The following MPO variants were observed in gnomAD, a reference collection of about 807,000 sequenced individuals.
The protein encoded by MPO is myeloperoxidase.
In MPO, 57 loss-of-function variants were observed where a neutral mutation model predicts 69.4. The observed-to-expected ratio is 0.82, with a 90% CI of 0.66 to 1.02. MPO has a LOEUF of 1.02. Among genes scored for constraint, MPO ranks in the 50% least tolerant of loss-of-function variants. The pLI is 0.00. For synonymous variants in MPO, 426 were observed against 417.1 expected, an observed-to-expected ratio of 1.02 and a Z score of -0.26; for missense variants, 971 against 1,014.1, an observed-to-expected ratio of 0.96 and a Z score of 0.58.
Position 58,270,632 on chromosome 17 carries a change from C to T in MPO, c.*24G>A, listed in dbSNP as rs1264471856. ...CTGGCCAGCCCAGATATACCCCTCA[C>T]TGCTGCACCCCCTTACCTGGCCTCT... On this transcript the variant is annotated 3_prime_UTR_variant, in exon 12 of 12. Coordinates refer to ENST00000225275, the MANE Select transcript of MPO (RefSeq NM_000250.2). This position sits in a 1 kb window ranked among gnomAD's most constrained non-coding sequence, Gnocchi z 4.1. 1 of 1,582,614 alleles carries T rather than the reference C, an allele frequency of 6.3e-7. No homozygotes were observed. Among genetic ancestry groups the T allele is most frequent in the Non-Finnish European group, 8.6e-7 (1 of 1,162,014 alleles).
rs147527862 is a variant in MPO at position 58,280,672 on chromosome 17, C to T, written c.87G>A (p.Leu29=). Residue 29 remains leucine, a synonymous_variant, in exon 1 of 12, where the codon CTG becomes CTA. Transcript: ENST00000225275. ...WAGGLTAEMK[L]LLALAGLLAI... is the part of the protein sequence containing the mutation. ...CCAGGAGCCCTGCTAGGGCCAGAAG[C>T]AGCTTCATCTCTGCAGTGAGACCCC... 2.3e-4 allele frequency: 369 copies of T among 1,614,124 alleles called. No homozygotes were observed. Among genetic ancestry groups the T allele is most frequent in the Admixed American group, 1.5e-3 (93 of 60,012 alleles).
At position 58,270,411 on chromosome 17, in the gene MPO, C is replaced by G; in HGVS notation, c.*245G>C. ...CTCAGTATTCTCATCAGCACAAACACACACTCACATAAATGGCACATACAC... is the reference window on the plus strand; with the variant it reads ...CTCAGTATTCTCATCAGCACAAACAGACACTCACATAAATGGCACATACAC... On this transcript the variant is annotated 3_prime_UTR_variant, in exon 12 of 12. Transcript: ENST00000225275. The surrounding 1 kb of genome is among the most constrained non-coding windows in gnomAD (Gnocchi z 4.1). The G allele has an allele frequency of 1.9e-6, 1 of 531,432 alleles. No homozygotes were observed. Among genetic ancestry groups the G allele is most frequent in the East Asian group, 3.5e-5 (1 of 28,812 alleles). 32.9% of individuals were successfully genotyped at this position (531,432 alleles called of 1,614,324 possible). A position where few individuals can be genotyped will look rare whatever the true frequency, so the allele number is the denominator to read the frequency against.
Position 58,278,096 on chromosome 17 carries a change from A to C in MPO, c.935T>G (p.Phe312Cys). The C allele has an allele frequency of 6.2e-7, 1 of 1,608,120 alleles. No homozygotes were observed. Among genetic ancestry groups the C allele is most frequent in the Non-Finnish European group, 8.5e-7 (1 of 1,179,974 alleles). ...RIKNQADCIPFFRSCPACPGS... is the reference protein window; with the variant it reads ...RIKNQADCIPCFRSCPACPGS... The stretch of plus-strand genomic sequence containing the variant: ...GGGGCAAGCCGGGCAGGAGCGGAAG[A>C]ACGGGATGCAGTCGGCTTGGTTCTT... Residue 312 changes from phenylalanine (F) to cysteine (C), a missense_variant, in exon 7 of 12, where the codon TTC becomes TGC. Phe to Cys is a radical substitution (Grantham distance 205). Transcript: ENST00000225275.
In MPO at chr17:58,274,965, C is replaced by T. The variant is rs527704991; in HGVS notation, c.1365+577G>A. 4.6e-5 allele frequency among the ~76,000 whole-genome samples: 7 copies of T among 152,024 alleles called. No individual in the cohort carries two copies. The East Asian group carries it at 1.2e-3, about 25-fold the overall frequency. On this transcript the variant is annotated intron_variant, in intron 8 of 11. Transcript: ENST00000225275. The stretch of plus-strand genomic sequence containing the variant: ...CTGCAAGCTCTGCCTCCCAGGTTCA[C>T]GCCATTCTCCTGCCTCAGCCTCCCA...
chr17:58,280,525 G>A, intron 1 of MPO, 66 bp from the exon 2 acceptor site: 1 of 1,612,602 alleles, frequency 6.2e-7, no homozygotes, highest in Non-Finnish European at 8.5e-7. Flanking sequence ...CCAGAGCTAG[G>A]AAGGCCTGCT....
chr17:58,278,752 A>G (rs1970471963), intron 6 of MPO: 3 of 585,080 alleles, frequency 5.1e-6, no homozygotes, highest in Non-Finnish European at 9.2e-6. Context: ...CCTGTCAGCC[A>G]AGGAGGAACA....
chr17:58,274,237 A>C (rs1014691057), intron 8 of MPO: 2 of 483,252 alleles, frequency 4.1e-6, no homozygotes, highest in African/African-American at 3.9e-5. Flanking sequence ...CTCACTCTAC[A>C]TTCTAGAGTC....
rs551005600 is a variant in MPO, at chr17:58,279,438, G to A, written c.549-12C>T. On this transcript the variant is annotated splice_polypyrimidine_tract_variant and intron_variant, in intron 4 of 11. Coordinates refer to ENST00000225275, the MANE Select transcript of MPO (RefSeq NM_000250.2). ...GCGTGGGGCTGCGTCTGCAGGGGAG[G>A]ACAGGGCGCTGACACCGGGAGGCTT... 1.2e-6 allele frequency: 2 copies of A among 1,611,194 alleles called. No individual in the cohort carries two copies. The highest frequency in any genetic ancestry group is 1.7e-6 in the Non-Finnish European group (2 of 1,179,056).
chr17:58,279,207 G>C lies in MPO; in HGVS notation c.686C>G (p.Ala229Gly), dbSNP rs1476706511. ...GAAGCGCACGATCTCGTTGGAGACC[G>C]CGCGAGCCTGCGGGACACGGAGATC... ...RNGFPVALAR[A>G]VSNEIVRFPT... Residue 229 changes from alanine to glycine, a missense_variant, in exon 6 of 12, where the codon GCG (alanine) becomes GGG (glycine). Ala to Gly is a moderately conservative substitution (Grantham distance 60). Transcript: ENST00000225275. 7.5e-6 allele frequency: 12 copies of C among 1,599,988 alleles called. No homozygotes were observed. Among genetic ancestry groups the C allele is most frequent in the Admixed American group, 1.7e-5 (1 of 57,648 alleles).
intron 11 of MPO, among the ~76,000 whole-genome samples, chr17:58,271,431 C>T (rs150689499): frequency 6.6e-6 from 1 of 152,304 alleles, no homozygotes; most frequent in African/African-American, 2.4e-5. Flanking sequence ...ACTTTTCTAT[C>T]TTCCACCCTT....
Position 58,273,625 on chromosome 17 carries a change from C to T in MPO, c.1410G>A (p.Thr470=), listed in dbSNP as rs61095987. The T allele has an allele frequency of 3.0e-4, 487 of 1,614,188 alleles. No individual in the cohort carries two copies. In the African/African-American group the frequency reaches 5.9e-3, roughly 19 times the overall value. Residue 470 remains threonine (T), a synonymous_variant, in exon 9 of 12, where the codon ACG becomes ACA. Transcript: ENST00000225275. ...RDYLPLVLGP[T]AMRKYLPTYR... ...ACGTGGGCAGGTACTTCCTCATGGC[C>T]GTTGGCCCCAGCACCAGGGGCAGGT...
rs1207692596 is a variant in MPO at position 58,280,438 on chromosome 17, G to A, written c.176C>T (p.Thr59Ile). 1 of 1,614,088 alleles carries A rather than the reference G, an allele frequency of 6.2e-7. No homozygotes were observed. Among genetic ancestry groups the A allele is most frequent in the Admixed American group, 1.7e-5 (1 of 60,018 alleles). ...CTCCATGGAGCTCAGCACCAACGAG[G>A]TGTCCACCTCCCCCAGGACAGCTGC... is the stretch of plus-strand genomic sequence containing the variant. Reference protein sequence around the residue: ...AAPAVLGEVDTSLVLSSMEEA... With the variant: ...AAPAVLGEVDISLVLSSMEEA... Residue 59 changes from threonine (T) to isoleucine (I), a missense_variant, in exon 2 of 12, where the codon ACC becomes ATC. By Grantham distance (89) the Thr-to-Ile change is moderately conservative (BLOSUM62 -1). Coordinates refer to ENST00000225275, the MANE Select transcript of MPO (RefSeq NM_000250.2).
At position 58,275,829 on chromosome 17, in the gene MPO, T is replaced by C. The variant is rs990389875; in HGVS notation, c.1205-127A>G. On this transcript the variant is annotated intron_variant, in intron 7 of 11. Coordinates refer to ENST00000225275, the MANE Select transcript of MPO (RefSeq NM_000250.2). This position sits in a 1 kb window ranked among gnomAD's most constrained non-coding sequence, Gnocchi z 4.1. ...CTCACCCCTCCTCCCCATCCATCTT[T>C]TCAAACTATCCCCAATTTACACTCC... 3 of 1,166,212 alleles carry C rather than the reference T, an allele frequency of 2.6e-6. No individual in the cohort carries two copies. The highest frequency in any genetic ancestry group is 3.7e-6 in the Non-Finnish European group (3 of 804,884). The allele number at this position is 1,166,212 out of a possible 1,614,324, so 72.2% of individuals were successfully genotyped here.
Position 58,270,421 on chromosome 17 carries a change from T to C in MPO, c.*235A>G, listed in dbSNP as rs1404549136. The C allele has an allele frequency of 1.8e-6, 1 of 547,038 alleles. No homozygotes were observed. Among genetic ancestry groups the C allele is most frequent in the Non-Finnish European group, 3.4e-6 (1 of 298,056 alleles). The allele number at this position is 547,038 out of a possible 1,614,324, so 33.9% of individuals were successfully genotyped here. On this transcript the variant is annotated 3_prime_UTR_variant, in exon 12 of 12. Transcript: ENST00000225275. The surrounding 1 kb of genome is among the most constrained non-coding windows in gnomAD (Gnocchi z 4.1). ...TCATCAGCACAAACACACACTCACA[T>C]AAATGGCACATACACATAACCCATG...
At position 58,275,544 on chromosome 17, in the gene MPO, G is replaced by C; in HGVS notation, c.1363C>G (p.Gln455Glu). ...GCCCGGTGTTCAAGACGGCCTACCT[G>C]GACCATGGCCCCCACGATCTTCCGG... ...EARKIVGAMV[Q>E]IITYRDYLPL... Residue 455 changes from glutamine (Q) to glutamate (E), a missense_variant and splice_region_variant, in exon 8 of 12, where the codon CAG (glutamine) becomes GAG (glutamate). Gln to Glu is a conservative substitution (Grantham distance 29, BLOSUM62 2). Transcript: ENST00000225275. The surrounding 1 kb of genome is among the most constrained non-coding windows in gnomAD (Gnocchi z 4.1). 1 of 1,614,134 alleles carries C rather than the reference G, an allele frequency of 6.2e-7. No individual in the cohort carries two copies. The highest frequency in any genetic ancestry group is 8.5e-7 in the Non-Finnish European group (1 of 1,180,026).
intron 3 of MPO, 22 bp from the exon 4 acceptor site, chr17:58,279,668 G>A: frequency 6.2e-7 from 1 of 1,614,042 alleles, no homozygotes; most frequent in Non-Finnish European, 8.5e-7. Context: ...AAGAACAATG[G>A]GGGAGCTGAG....
chr17:58,277,485 T>C (rs1420670087), intron 7 of MPO, among the ~76,000 whole-genome samples: 2 of 152,244 alleles, frequency 1.3e-5, no homozygotes, highest in African/African-American at 4.8e-5. Context: ...CACAGCGTTC[T>C]CTGTCCTTTA....
Position 58,270,730 on chromosome 17 carries a change from A to T in MPO, c.2164T>A (p.Ser722Thr). ...CAGTTGACAAAGTCCCGGGGATATG[A>T]GTTGGACATGAAGATGTTGTTCTTA... is the stretch of plus-strand genomic sequence containing the variant. The part of the protein sequence containing the change: ...VSKNNIFMSN[S>T]YPRDFVNCST... Residue 722 changes from serine to threonine, a missense_variant, in exon 12 of 12, where the codon TCA (serine) becomes ACA (threonine). Ser to Thr is a moderately conservative substitution (Grantham distance 58). Coordinates refer to ENST00000225275, the MANE Select transcript of MPO (RefSeq NM_000250.2). The surrounding 1 kb of genome is among the most constrained non-coding windows in gnomAD (Gnocchi z 4.1). 6.2e-7 allele frequency: 1 copy of T among 1,614,154 alleles called. No individual in the cohort carries two copies. Among genetic ancestry groups the T allele is most frequent in the East Asian group, 2.2e-5 (1 of 44,874 alleles).
Position 58,270,958 on chromosome 17 carries a change from C to T in MPO, c.2031-95G>A. 2 of 1,415,250 alleles carry T rather than the reference C, an allele frequency of 1.4e-6. No homozygotes were observed. The highest frequency in any genetic ancestry group is 2.0e-6 in the Non-Finnish European group (2 of 1,010,690). The allele number at this position is 1,415,250 out of a possible 1,614,324, so 87.7% of individuals were successfully genotyped here. A position where few individuals can be genotyped will look rare whatever the true frequency, so the allele number is the denominator to read the frequency against. ...TGCTGCTCCCAGGATATAACAAAGC[C>T]ACAACAAATGCCACCTGGAAGCACA... On this transcript the variant is annotated intron_variant, in intron 11 of 11. Transcript: ENST00000225275. The surrounding 1 kb of genome is among the most constrained non-coding windows in gnomAD (Gnocchi z 4.1).
Sources: allele counts gnomAD v4.1 joint callset (sites outside exome capture counted in the v4.1 genomes callset), GRCh38; gene constraint gnomAD v4.1.1; non-coding constraint Gnocchi (gnomAD v3.1); transcripts MANE v1.5; gene names NCBI Gene and HGNC (gene_info 2026-07-23, HGNC 2026-07-21).